Variants in MAML2 observed in about 807,000 individuals in gnomAD.
MAML2 encodes mastermind like transcriptional coactivator 2, also known as mastermind-like protein 2.
A neutral mutation model predicts 96.1 loss-of-function variants in MAML2; 22 were observed. The observed-to-expected ratio is 0.23, with a 90% confidence interval of 0.16 to 0.33. The LOEUF is 0.33. MAML2 is among the 10% of genes least tolerant of loss of function. MAML2 has a pLI of 1.00. For synonymous variants in MAML2, 561 were observed against 521.3 expected, an observed-to-expected ratio of 1.08 and a Z score of -1.04; for missense variants, 1,367 against 1,392.4, an observed-to-expected ratio of 0.98 and a Z score of 0.29.
chr11:96,029,092 T>TC (rs200561633), intron 2 of MAML2, among the ~76,000 whole-genome samples: 1,790 of 151,936 alleles, frequency 0.012, 22 homozygotes, highest in East Asian at 0.038. Flanking sequence ...GATCAATTCC[T>TC]CATTTCAACC....
intron 1 of MAML2, among the ~76,000 whole-genome samples, chr11:96,325,835 C>G (rs1472622121): frequency 6.6e-6 from 1 of 152,208 alleles, no homozygotes; most frequent in African/African-American, 2.4e-5. Context: ...AAGTAGCACA[C>G]AGCCTGGGCC....
intron 1 of MAML2, among the ~76,000 whole-genome samples, chr11:96,169,658 A>AGT (rs1861250485): frequency 1.6e-5 from 1 of 63,688 alleles, no homozygotes; most frequent in Non-Finnish European, 3.1e-5. Flanking sequence ...AAGAAAGTAA[A>AGT]CTTTTTTTTT....
Position 95,978,210 on chromosome 11 carries a change from G to A in MAML2, c.*738C>T, listed in dbSNP as rs1188907040. 3 of 209,270 alleles carry A rather than the reference G, an allele frequency of 1.4e-5. No individual in the cohort carries two copies. The highest frequency in any genetic ancestry group is 4.5e-5 in the African/African-American group (2 of 44,028). 13.0% of individuals were successfully genotyped at this position (209,270 alleles called of 1,614,324 possible). ...TTCAGTATGATTAGGACAAGTCTTT[G>A]TTATATCTAAAATTTCATTTGGAAT... On this transcript the variant is annotated 3_prime_UTR_variant, in exon 5 of 5. Coordinates refer to ENST00000524717, the MANE Select transcript of MAML2 (RefSeq NM_032427.4).
chr11:96,110,632 G>A (rs553992719), intron 1 of MAML2, among the ~76,000 whole-genome samples: 14 of 152,258 alleles, frequency 9.2e-5, no homozygotes, highest in African/African-American at 2.9e-4. Flanking sequence ...AGAAAGCATC[G>A]GTGTTGCATT....
intron 1 of MAML2, among the ~76,000 whole-genome samples, chr11:96,217,917 G>A (rs568370953): frequency 1.3e-5 from 2 of 152,298 alleles, no homozygotes; most frequent in African/African-American, 2.4e-5. Context: ...CTTAGCAGAT[G>A]CTGGTAATCT....
At chr11:96,179,917 A>G (rs1217059653) in intron 1 of MAML2, among the ~76,000 whole-genome samples, 3 of 152,246 alleles carry the variant, frequency 2.0e-5, no homozygotes, top group Non-Finnish European at 4.4e-5. Flanking sequence ...AGGAGCTGAC[A>G]TTGCTTTCTA....
chr11:96,323,242 T>C (rs1379360717), intron 1 of MAML2, among the ~76,000 whole-genome samples: 2 of 152,172 alleles, frequency 1.3e-5, no homozygotes, highest in Non-Finnish European at 2.9e-5. Context: ...AGGCAGCTTA[T>C]AGAAAAATGT....
chr11:96,133,853 G>A (rs1397154826), intron 1 of MAML2, among the ~76,000 whole-genome samples: 1 of 152,144 alleles, frequency 6.6e-6, no homozygotes, highest in African/African-American at 2.4e-5. Context: ...AATTAGCTGG[G>A]CGTGATGGCA....
intron 1 of MAML2, among the ~76,000 whole-genome samples, chr11:96,332,428 G>C (rs1463438043): frequency 6.6e-6 from 1 of 152,152 alleles, no homozygotes; most frequent in Non-Finnish European, 1.5e-5. Flanking sequence ...TCACTCTCTG[G>C]GGGACTGAGC....
Position 96,201,651 on chromosome 11 carries a change from G to T in MAML2, c.514-108134C>A, listed in dbSNP as rs183251495. On this transcript the variant is annotated intron_variant, in intron 1 of 4. Coordinates refer to ENST00000524717, the MANE Select transcript of MAML2 (RefSeq NM_032427.4). ...AGTCTCAAATGGGGCGGGGTGTGGT[G>T]GCTCATGCCTGTAATCCCAGCACTT... is the stretch of plus-strand genomic sequence containing the variant. Among the ~76,000 whole-genome samples the T allele has an allele frequency of 1.9e-3, 295 of 152,356 alleles. 2 individuals are homozygous for T. Among genetic ancestry groups the T allele is most frequent in the African/African-American group, 6.8e-3 (284 of 41,590 alleles).
intron 1 of MAML2, among the ~76,000 whole-genome samples, chr11:96,106,907 G>T (rs931974955): frequency 3.3e-5 from 5 of 149,986 alleles, no homozygotes; most frequent in African/African-American, 1.2e-4. Context: ...AGGATAAAGT[G>T]CTTCCTTACA....
In MAML2 at chr11:96,093,395, G is replaced by C. The variant is rs1336833633; in HGVS notation, c.636C>G (p.Leu212=). Reference sequence around the variant, plus strand: ...TTTGGAGGCCACCTTGTCCTGCAGAGAGATTCTCCCCAACACGAATTCTTT... The same window carrying C: ...TTTGGAGGCCACCTTGTCCTGCAGACAGATTCTCCCCAACACGAATTCTTT... The part of the protein sequence containing the change: ...DIKRIRVGEN[L]SAGQGGLQIN... The change falls in exon 2 of 5, where the codon CTC becomes CTG. Residue 212 remains leucine, a synonymous_variant. Coordinates refer to ENST00000524717, the MANE Select transcript of MAML2 (RefSeq NM_032427.4). The C allele has an allele frequency of 4.3e-6, 7 of 1,614,008 alleles. No homozygotes were observed. The highest frequency in any genetic ancestry group is 5.9e-6 in the Non-Finnish European group (7 of 1,179,892).
At chr11:96,138,180 A>C (rs1860667849) in intron 1 of MAML2, among the ~76,000 whole-genome samples, 1 of 152,228 alleles carries the variant, frequency 6.6e-6, no homozygotes, top group African/African-American at 2.4e-5. Context: ...AAAAATGGTG[A>C]CATGAAGCAA....
chr11:96,004,851 G>T (rs1858151904), intron 2 of MAML2, among the ~76,000 whole-genome samples: 1 of 152,126 alleles, frequency 6.6e-6, no homozygotes, highest in Non-Finnish European at 1.5e-5. Flanking sequence ...TTTTAATAAT[G>T]GCGTCTCCTC....
intron 1 of MAML2, among the ~76,000 whole-genome samples, chr11:96,287,925 G>A (rs924956632): frequency 7.2e-5 from 11 of 152,146 alleles, no homozygotes; most frequent in Admixed American, 3.9e-4. Context: ...TTAAATACAC[G>A]TTGCTTGCAA....
rs1857690300 is a variant in MAML2, at chr11:95,979,048, C to T, written c.3371G>A (p.Ser1124Asn). The change falls in exon 5 of 5, where the codon AGT becomes AAT. Residue 1124 changes from serine to asparagine, a missense_variant. Ser to Asn is a conservative substitution (Grantham distance 46, BLOSUM62 1). Transcript: ENST00000524717. ...QNDNMGPALN[S>N]DADFIDSLLK... The stretch of plus-strand genomic sequence containing the variant: ...TAAAGAATCAATGAAATCAGCATCA[C>T]TGTTTAGGGCAGGGCCCATGTTATC... The T allele has an allele frequency of 6.2e-7, 1 of 1,613,982 alleles. No homozygotes were observed. The highest frequency in any genetic ancestry group is 8.5e-7 in the Non-Finnish European group (1 of 1,179,880).
In MAML2 at chr11:96,231,421, A is replaced by G. The variant is rs144203932; in HGVS notation, c.513+109962T>C. Reference sequence around the variant, plus strand: ...AATAAATGTTTCTGTAGCCTACGCCATTAAGGATTTTATACTGGAGCTGGG... The same window carrying G: ...AATAAATGTTTCTGTAGCCTACGCCGTTAAGGATTTTATACTGGAGCTGGG... On this transcript the variant is annotated intron_variant, in intron 1 of 4. Transcript: ENST00000524717. Among the ~76,000 whole-genome samples the G allele has an allele frequency of 1.9e-3, 286 of 152,318 alleles. 1 individual carries two copies. The highest frequency in any genetic ancestry group is 6.6e-3 in the African/African-American group (276 of 41,562).
intron 1 of MAML2, among the ~76,000 whole-genome samples, chr11:96,221,854 C>A (rs1862144296): frequency 6.6e-6 from 1 of 152,106 alleles, no homozygotes; most frequent in Non-Finnish European, 1.5e-5. Context: ...CACATAGGAC[C>A]AGGTCTTGGT....
At chr11:96,238,555 T>C (rs1862393761) in intron 1 of MAML2, among the ~76,000 whole-genome samples, 1 of 152,230 alleles carries the variant, frequency 6.6e-6, no homozygotes, top group Admixed American at 6.5e-5. Context: ...CAATGACATT[T>C]AGGTTTAGCT....
Sources: gnomAD v4.1 joint callset for allele counts (sites outside exome capture counted in the v4.1 genomes callset) on GRCh38, gnomAD v4.1.1 for gene constraint, MANE v1.5 for transcripts, NCBI Gene and HGNC (gene_info 2026-07-23, HGNC 2026-07-21) for gene names.